The following LDB2 variants were observed in gnomAD, a reference collection of about 807,000 sequenced individuals.
LDB2 encodes the protein LIM domain binding 2, also known as LIM domain-binding protein 2.
A neutral mutation model predicts 44.3 loss-of-function variants in LDB2; 12 were observed. The ratio of observed to expected loss-of-function variants is 0.27; its 90% CI spans 0.17 to 0.44. The LOEUF is 0.44. LDB2 is among the 20% of genes least tolerant of loss of function. The pLI is 1.00. For synonymous variants in LDB2, 164 were observed against 174.8 expected (o/e 0.94, Z 0.49); for missense variants, 344 against 473.5 (o/e 0.73, Z 2.54).
chr4:16,708,385 C>T (rs1755096312), intron 2 of LDB2, among the ~76,000 whole-genome samples: 1 of 152,054 alleles, frequency 6.6e-6, no homozygotes, highest in African/African-American at 2.4e-5. Flanking sequence ...AATGGTCAGC[C>T]CATTCCAAGA....
intron 5 of LDB2, among the ~76,000 whole-genome samples, chr4:16,541,073 G>A (rs1353115920): frequency 6.6e-6 from 1 of 152,174 alleles, no homozygotes; most frequent in African/African-American, 2.4e-5. Flanking sequence ...TGTTTTCAGA[G>A]TTATGTGGGG....
chr4:16,653,241 AT>A (rs1309872991), intron 2 of LDB2, among the ~76,000 whole-genome samples: 1 of 151,820 alleles, frequency 6.6e-6, no homozygotes, highest in Admixed American at 6.6e-5. Flanking sequence ...CCTCTTTTTC[AT>A]TTTTTGGCTT....
chr4:16,884,937 A>AG (rs1721197684), intron 1 of LDB2, among the ~76,000 whole-genome samples: 1 of 151,882 alleles, frequency 6.6e-6, no homozygotes, highest in South Asian at 2.1e-4. Context: ...AGTAAAGAAA[A>AG]AAATTTGCAT....
chr4:16,733,469 C>T (rs549339862), intron 2 of LDB2, among the ~76,000 whole-genome samples: 188 of 152,212 alleles, frequency 1.2e-3, no homozygotes, highest in African/African-American at 4.3e-3. Context: ...TGCACAAATA[C>T]AGCCTAGAAA....
chr4:16,894,774 C>G (rs1724429186), intron 1 of LDB2, among the ~76,000 whole-genome samples: 1 of 152,096 alleles, frequency 6.6e-6, no homozygotes, highest in Non-Finnish European at 1.5e-5. Flanking sequence ...CTCCTTTTGT[C>G]TACTGATTCA....
intron 1 of LDB2, among the ~76,000 whole-genome samples, chr4:16,864,462 T>C (rs1336103081): frequency 6.6e-6 from 1 of 152,164 alleles, no homozygotes; most frequent in East Asian, 1.9e-4. Flanking sequence ...GGTGCCAAAC[T>C]AATACAATAC....
intron 1 of LDB2, among the ~76,000 whole-genome samples, chr4:16,833,411 A>G (rs1008715697): frequency 1.3e-5 from 2 of 152,084 alleles, no homozygotes; most frequent in Admixed American, 6.6e-5. Context: ...GAAACAATTA[A>G]TTTTCCTTTG....
chr4:16,510,815 T>G (rs1258499045), intron 6 of LDB2, among the ~76,000 whole-genome samples: 1 of 152,170 alleles, frequency 6.6e-6, no homozygotes, highest in Non-Finnish European at 1.5e-5. Flanking sequence ...TAGAACCACG[T>G]CTGGAGCCTA....
intron 5 of LDB2, among the ~76,000 whole-genome samples, chr4:16,522,279 T>TGTGTGC (rs1288775073): frequency 2.7e-5 from 4 of 150,860 alleles, no homozygotes; most frequent in East Asian, 1.9e-4. Context: ...TGTGTGTTTG[T>TGTGTGC]GTGTGTGTGT....
intron 1 of LDB2, among the ~76,000 whole-genome samples, chr4:16,857,800 C>T (rs1340112002): frequency 6.6e-6 from 1 of 152,166 alleles, no homozygotes; most frequent in Non-Finnish European, 1.5e-5. Context: ...AACAAGCAAA[C>T]CTCCCGACCC....
chr4:16,599,654 C>T (rs1448467469), intron 2 of LDB2, among the ~76,000 whole-genome samples: 1 of 152,120 alleles, frequency 6.6e-6, no homozygotes, highest in East Asian at 1.9e-4. Context: ...CACACGCATA[C>T]ACCATGCACA....
chr4:16,568,007 C>A (rs979063566), intron 5 of LDB2, among the ~76,000 whole-genome samples: 1 of 151,980 alleles, frequency 6.6e-6, no homozygotes, highest in Non-Finnish European at 1.5e-5. Context: ...AATCATAGAA[C>A]CAAGTGGTGG....
chr4:16,884,008 C>T (rs1486936531), intron 1 of LDB2, among the ~76,000 whole-genome samples: 2 of 152,160 alleles, frequency 1.3e-5, no homozygotes, highest in Non-Finnish European at 2.9e-5. Context: ...CTTTGTGCAT[C>T]TCCCTATCCA....
At chr4:16,880,452 C>T (rs970624493) in intron 1 of LDB2, among the ~76,000 whole-genome samples, 1 of 152,172 alleles carries the variant, frequency 6.6e-6, no homozygotes. Context: ...TCAGAAGGAG[C>T]ACGTTTTTCT....
chr4:16,672,601 A>G lies in LDB2; in HGVS notation c.236-76726T>C, dbSNP rs78064166. On this transcript the variant is annotated intron_variant, in intron 2 of 7. Coordinates refer to ENST00000304523, the MANE Select transcript of LDB2 (RefSeq NM_001290.5). ...TTAAAAACAGAAAATCTGTTTAGGC[A>G]GCAGCTACAGCACAAAGGCAGATAG... Among the ~76,000 whole-genome samples, 572 of 152,364 alleles carry G rather than the reference A, an allele frequency of 3.8e-3. 9 individuals carry two copies. Among genetic ancestry groups the G allele is most frequent in the African/African-American group, 0.013 (530 of 41,588 alleles).
intron 1 of LDB2, among the ~76,000 whole-genome samples, chr4:16,896,473 C>A (rs894169353): frequency 1.3e-5 from 2 of 151,998 alleles, no homozygotes; most frequent in Non-Finnish European, 2.9e-5. Flanking sequence ...TCAGACCTGG[C>A]CAAGTGCTCA....
chr4:16,888,680 T>C (rs1034258963), intron 1 of LDB2: 61 of 979,698 alleles, frequency 6.2e-5, no homozygotes, highest in Admixed American at 1.8e-4. Flanking sequence ...TTACATTATT[T>C]AATTTGCTGA....
intron 1 of LDB2, among the ~76,000 whole-genome samples, chr4:16,813,217 A>T (rs1780236389): frequency 6.6e-6 from 1 of 152,110 alleles, no homozygotes; most frequent in Non-Finnish European, 1.5e-5. Context: ...AACTCCTGGC[A>T]TCAGGAGATT....
intron 2 of LDB2, among the ~76,000 whole-genome samples, chr4:16,664,503 G>T (rs1442719079): frequency 6.6e-6 from 1 of 152,142 alleles, no homozygotes; most frequent in South Asian, 2.1e-4. Flanking sequence ...AAATGAAGAC[G>T]TTAGTGGGAA....
Sources: allele counts gnomAD v4.1 joint callset (sites outside exome capture counted in the v4.1 genomes callset), GRCh38; gene constraint gnomAD v4.1.1; transcripts MANE v1.5; gene names NCBI Gene and HGNC (gene_info 2026-07-23, HGNC 2026-07-21).